Variants in DEK observed in about 807,000 individuals in gnomAD.
DEK encodes DEK proto-oncogene.
Under a neutral mutation model 46.8 loss-of-function variants are expected in DEK, and 28 were observed. The ratio of observed to expected loss-of-function variants is 0.60; its 90% confidence interval spans 0.44 to 0.82. The LOEUF is 0.82. Ranked by LOEUF, DEK falls within the 40% of genes least tolerant of loss-of-function variation. The pLI is 0.00. For missense variants in DEK, 416 were observed against 430.6 expected, an observed-to-expected ratio of 0.97 and a Z score of 0.30; for synonymous variants, 160 against 144.5, an observed-to-expected ratio of 1.11 and a Z score of -0.77.
chr6:18,252,606 A>T (rs150812454), intron 6 of DEK, among the ~76,000 whole-genome samples: 102 of 152,096 alleles, frequency 6.7e-4, no homozygotes, highest in South Asian at 1.0e-3. Flanking sequence ...AAAAACTGAC[A>T]TAAGAGTTAA....
In DEK at chr6:18,258,150, T is replaced by C; in HGVS notation, c.248-88A>G. On this transcript the variant is annotated intron_variant, in intron 3 of 10. Coordinates refer to ENST00000652689, the MANE Select transcript of DEK (RefSeq NM_003472.4). ...TTTAATGAGAATTATTTTCACAGCA[T>C]AATTTACATGTAACTCTGCTCTTAC... The C allele has an allele frequency of 4.5e-6, 5 of 1,123,072 alleles. No individual in the cohort carries two copies. In the South Asian group the frequency reaches 6.0e-5, roughly 13 times the overall value. 69.6% of individuals were successfully genotyped at this position (1,123,072 alleles called of 1,614,324 possible). A position where few individuals can be genotyped will look rare whatever the true frequency, so the allele number is the denominator to read the frequency against.
At chr6:18,228,754 G>A (rs978794266) in intron 9 of DEK, among the ~76,000 whole-genome samples, 4 of 152,334 alleles carry the variant, frequency 2.6e-5, no homozygotes, top group East Asian at 1.9e-4. Flanking sequence ...AGAGTCCCAC[G>A]CCCACGGAGC....
chr6:18,243,694 C>A (rs1214589548), intron 7 of DEK, among the ~76,000 whole-genome samples: 3 of 152,308 alleles, frequency 2.0e-5, no homozygotes, highest in Non-Finnish European at 4.4e-5. Context: ...TCCTATAATG[C>A]TAAGTATCAA....
In DEK at chr6:18,258,358, T is replaced by G. The variant is rs377379736; in HGVS notation, c.193A>C (p.Arg65=). 2.5e-4 allele frequency: 401 copies of G among 1,613,430 alleles called. No homozygotes were observed. Among genetic ancestry groups the G allele is most frequent in the Non-Finnish European group, 3.3e-4 (389 of 1,179,760 alleles). The change falls in exon 3 of 11, where the codon AGG becomes CGG. Residue 65 remains arginine, a synonymous_variant. Transcript: ENST00000652689. ...AAGGAAGAGACTTGCATTGTCAACC[T>G]CTCTACTTTTTTCTTTTCCCTCTTG... ...EGKREKKKVE[R]LTMQVSSLQR...
chr6:18,244,045 T>C (rs1791005040), intron 7 of DEK, among the ~76,000 whole-genome samples: 1 of 152,154 alleles, frequency 6.6e-6, no homozygotes, highest in African/African-American at 2.4e-5. Flanking sequence ...GTGATTATAA[T>C]AAAAATTATA....
intron 7 of DEK, among the ~76,000 whole-genome samples, chr6:18,239,040 T>C (rs575010200): frequency 2.0e-5 from 3 of 152,104 alleles, no homozygotes; most frequent in African/African-American, 7.2e-5. Flanking sequence ...TTCTCCTGCC[T>C]CAGCCTCTTG....
intron 7 of DEK, among the ~76,000 whole-genome samples, chr6:18,248,820 T>C (rs1449470659): frequency 6.6e-6 from 1 of 152,160 alleles, no homozygotes; most frequent in Non-Finnish European, 1.5e-5. Context: ...CAAGGGGAGC[T>C]TGGGAATATC....
chr6:18,252,494 G>GT (rs1463828523), intron 6 of DEK, among the ~76,000 whole-genome samples: 1 of 72,776 alleles, frequency 1.4e-5, no homozygotes, highest in Non-Finnish European at 2.3e-5. Context: ...AGGCAACAGA[G>GT]TAAAACGCTG....
intron 7 of DEK, among the ~76,000 whole-genome samples, chr6:18,246,022 G>A (rs903363120): frequency 1.3e-5 from 2 of 152,038 alleles, no homozygotes; most frequent in Admixed American, 1.3e-4. Context: ...CCATGATTGT[G>A]AGGCCACCCC....
chr6:18,230,042 C>G (rs1421565137), intron 9 of DEK, among the ~76,000 whole-genome samples: 1 of 152,202 alleles, frequency 6.6e-6, no homozygotes, highest in Non-Finnish European at 1.5e-5. Flanking sequence ...GGCAGAAACT[C>G]TACAAGCCAG....
At chr6:18,245,287 G>C (rs1791062597) in intron 7 of DEK, among the ~76,000 whole-genome samples, 1 of 152,220 alleles carries the variant, frequency 6.6e-6, no homozygotes, top group African/African-American at 2.4e-5. Flanking sequence ...CTAAAGATGA[G>C]AGATCAGGAA....
intron 9 of DEK, among the ~76,000 whole-genome samples, chr6:18,229,226 T>A (rs1276767728): frequency 2.0e-5 from 3 of 152,078 alleles, no homozygotes. Context: ...CAAAACCCCA[T>A]CTGTACGTCA....
intron 2 of DEK, among the ~76,000 whole-genome samples, chr6:18,260,074 G>T (rs537655184): frequency 6.6e-6 from 1 of 152,134 alleles, no homozygotes; most frequent in Non-Finnish European, 1.5e-5. Flanking sequence ...ATCTGTGAGG[G>T]ATTGGTTCCA....
chr6:18,237,860 C>CT (rs60332682), intron 7 of DEK, among the ~76,000 whole-genome samples: 12,695 of 88,564 alleles, frequency 0.14, 1,738 homozygotes, highest in Non-Finnish European at 0.19. Context: ...CAACTGGAAT[C>CT]TTTTTTTTTT....
chr6:18,237,468 A>T lies in DEK; in HGVS notation c.811T>A (p.Ser271Thr). Residue 271 changes from serine to threonine, a missense_variant, in exon 8 of 11, where the codon TCT becomes ACT. Ser to Thr is a moderately conservative substitution (Grantham distance 58). Coordinates refer to ENST00000652689, the MANE Select transcript of DEK (RefSeq NM_003472.4). ...KREKPKQKATSKSKKSVKSAN... is the reference protein window; with the variant it reads ...KREKPKQKATTKSKKSVKSAN... The stretch of plus-strand genomic sequence containing the variant: ...CTTTTCACAGATTTTTTACTTTTAG[A>T]AGTAGCTTTCTGTTTAGGTTTTTCT... The T allele has an allele frequency of 6.2e-7, 1 of 1,610,974 alleles. No individual in the cohort carries two copies. Among genetic ancestry groups the T allele is most frequent in the Non-Finnish European group, 8.5e-7 (1 of 1,179,356 alleles).
At position 18,230,376 on chromosome 6, in the gene DEK, C is replaced by T. The variant is rs1790357914; in HGVS notation, c.1048-4134G>A. 4.6e-5 allele frequency among the ~76,000 whole-genome samples: 7 copies of T among 152,226 alleles called. No homozygotes were observed. The South Asian group carries it at 1.5e-3, about 32-fold the overall frequency. On this transcript the variant is annotated intron_variant, in intron 9 of 10. Transcript: ENST00000652689. ...ATGACAGGATCAAATTCACACATAA[C>T]AACATTAACCTTAAATGTAAATGGG...
chr6:18,263,356 A>T (rs904256957), intron 2 of DEK, among the ~76,000 whole-genome samples: 9 of 152,214 alleles, frequency 5.9e-5, no homozygotes, highest in Non-Finnish European at 1.0e-4. Flanking sequence ...GTAAATGTAA[A>T]AATATTCGAA....
intron 9 of DEK, among the ~76,000 whole-genome samples, chr6:18,235,749 A>G (rs1180177549): frequency 6.6e-6 from 1 of 152,178 alleles, no homozygotes; most frequent in Non-Finnish European, 1.5e-5. Flanking sequence ...TCAGCCTATC[A>G]AAGTGTTGGG....
intron 6 of DEK, among the ~76,000 whole-genome samples, chr6:18,251,947 T>C (rs968964291): frequency 1.3e-5 from 2 of 151,754 alleles, no homozygotes; most frequent in African/African-American, 4.8e-5. Context: ...TTCCCAAAAG[T>C]AAACGAGGAG....
Sources: gnomAD v4.1 joint callset for allele counts (sites outside exome capture counted in the v4.1 genomes callset) on GRCh38, gnomAD v4.1.1 for gene constraint, MANE v1.5 for transcripts, NCBI Gene and HGNC (gene_info 2026-07-23, HGNC 2026-07-21) for gene names.